PRMT2: variants seen among roughly 807,000 people sequenced by gnomAD.
PRMT2 encodes protein arginine N-methyltransferase 2.
Under a neutral mutation model 57.6 loss-of-function variants are expected in PRMT2, and 26 were observed. The ratio of observed to expected loss-of-function variants is 0.45; its 90% CI spans 0.33 to 0.63. The LOEUF (loss-of-function observed/expected upper bound fraction) is 0.63, where lower values mean the gene tolerates loss of function less well. PRMT2 is among the 20% of genes least tolerant of loss of function. The pLI, the probability that PRMT2 is intolerant of heterozygous loss-of-function variation, is 0.02. For synonymous variants in PRMT2, 219 were observed against 220.0 expected (o/e 1.00, Z 0.04); for missense variants, 472 against 564.4 (o/e 0.84, Z 1.66).
Position 46,649,128 on chromosome 21 carries a change from A to G in PRMT2, c.490-447A>G, listed in dbSNP as rs1450328627. Among the ~76,000 whole-genome samples the G allele has an allele frequency of 6.6e-6, 1 of 152,182 alleles. No individual in the cohort carries two copies. The highest frequency in any genetic ancestry group is 1.5e-5 in the Non-Finnish European group (1 of 68,026). On this transcript the variant is annotated intron_variant, in intron 6 of 11. Transcript: ENST00000355680. The surrounding 1 kb of genome is among the most constrained non-coding windows in gnomAD (Gnocchi z 4.8). ...CGCAGCACAGTGTCCACCCAAGTCC[A>G]GGCTCTGCAGGACCCAGGACCCAGC... is the stretch of plus-strand genomic sequence containing the variant.
intron 8 of PRMT2, chr21:46,659,128 C>T: frequency 2.3e-6 from 3 of 1,284,752 alleles, no homozygotes; most frequent in Non-Finnish European, 9.8e-7. Flanking sequence ...GGGTAGAATG[C>T]AAGGAACAAA....
intron 7 of PRMT2, chr21:46,652,609 A>C: frequency 1.0e-6 from 1 of 985,358 alleles, no homozygotes; most frequent in Non-Finnish European, 1.2e-6. Flanking sequence ...GGTTGTGGGG[A>C]AGTGTGCACC....
intron 11 of PRMT2, 95 bp downstream of exon 11, chr21:46,663,649 C>T: frequency 1.6e-6 from 2 of 1,284,036 alleles, no homozygotes; most frequent in Non-Finnish European, 2.2e-6. Context: ...CTGGCCCACA[C>T]TGGGGTCCAC....
intron 10 of PRMT2, among the ~76,000 whole-genome samples, chr21:46,662,778 C>T (rs1225545117): frequency 6.6e-6 from 1 of 152,136 alleles, no homozygotes; most frequent in South Asian, 2.1e-4. Context: ...GAGATGTTTC[C>T]AACGCAACCC....
chr21:46,638,143 T>C (rs547077980), intron 3 of PRMT2, among the ~76,000 whole-genome samples: 1 of 152,308 alleles, frequency 6.6e-6, no homozygotes, highest in South Asian at 2.1e-4. Context: ...TGATATTGTT[T>C]GTGTGGGCTT....
intron 10 of PRMT2, 57 bp from the exon 11 acceptor site, chr21:46,663,326 G>A: frequency 6.5e-7 from 1 of 1,544,516 alleles, no homozygotes; most frequent in Non-Finnish European, 8.8e-7. Context: ...CGCCCCGAGG[G>A]CCATGTGGAG....
intron 10 of PRMT2, among the ~76,000 whole-genome samples, chr21:46,662,621 G>T (rs1314996602): frequency 6.6e-6 from 1 of 152,142 alleles, no homozygotes; most frequent in East Asian, 1.9e-4. Flanking sequence ...TGGGGGCGTG[G>T]AGGGGGCAGT....
chr21:46,653,210 G>T (rs1037325160), intron 7 of PRMT2: 2 of 985,296 alleles, frequency 2.0e-6, no homozygotes, highest in South Asian at 4.7e-5. Context: ...TAACAAAGAT[G>T]TAATAATTCT....
rs1377870096 is a variant in PRMT2 at position 46,664,865 on chromosome 21, A to G, written c.*538A>G. ...TATGCGATGGGACTCTGCATGGGATAGTACAGTTGTGTAGACGTCTTCCAA... is the reference window on the plus strand; with the variant it reads ...TATGCGATGGGACTCTGCATGGGATGGTACAGTTGTGTAGACGTCTTCCAA... On this transcript the variant is annotated 3_prime_UTR_variant, in exon 12 of 12. Coordinates refer to ENST00000355680, the MANE Select transcript of PRMT2 (RefSeq NM_206962.4). The G allele has an allele frequency of 6.3e-6, 1 of 158,998 alleles. No individual in the cohort carries two copies. Among genetic ancestry groups the G allele is most frequent in the African/African-American group, 2.4e-5 (1 of 41,814 alleles). The allele number at this position is 158,998 out of a possible 1,614,324, so 9.8% of individuals were successfully genotyped here. A position where few individuals can be genotyped will look rare whatever the true frequency, so the allele number is the denominator to read the frequency against.
At chr21:46,651,035 C>T (rs73383765) in intron 7 of PRMT2, among the ~76,000 whole-genome samples, 4,078 of 152,280 alleles carry the variant, frequency 0.027, 175 homozygotes, top group African/African-American at 0.092. Context: ...TTTTGGAGGC[C>T]CCTGGGTATG....
chr21:46,658,588 G>C, intron 7 of PRMT2, 157 bp from the exon 8 acceptor site: 1 of 1,343,170 alleles, frequency 7.4e-7, no homozygotes. Context: ...ATAAACCCTC[G>C]AGATGTTCTC....
At chr21:46,651,969 C>T in intron 7 of PRMT2, 1 of 1,613,344 alleles carries the variant, frequency 6.2e-7, no homozygotes, top group Middle Eastern at 1.6e-4. Context: ...CCTCAGCCCT[C>T]AGGCCTTCAT....
rs751157302 is a variant in PRMT2, at chr21:46,663,365, C to G, written c.1098-18C>G. On this transcript the variant is annotated intron_variant, in intron 10 of 11. Coordinates refer to ENST00000355680, the MANE Select transcript of PRMT2 (RefSeq NM_206962.4). ...GCCCTAGCTCAGCCTCCAGGTCACA[C>G]GCACCCCTGTCTTGCAGCACCACAC... The G allele has an allele frequency of 1.2e-6, 2 of 1,600,180 alleles. No individual in the cohort carries two copies. The highest frequency in any genetic ancestry group is 1.7e-6 in the Non-Finnish European group (2 of 1,170,116).
rs1290594762 is a variant in PRMT2, at chr21:46,643,747, T to TG, written c.144+109dup. 31 of 1,326,366 alleles carry TG rather than the reference T, an allele frequency of 2.3e-5. No individual in the cohort carries two copies. The African/African-American group carries it at 4.3e-4, about 19-fold the overall frequency. 82.2% of individuals were successfully genotyped at this position (1,326,366 alleles called of 1,614,324 possible). ...AAAGTTAAATGAAGAGGTATTCAGA[T>TG]GCGTAGGGCCACACAAGACCTGTGT... On this transcript the variant is annotated intron_variant, in intron 4 of 11. Transcript: ENST00000355680.
intron 7 of PRMT2, chr21:46,654,085 T>C: frequency 1.0e-6 from 1 of 985,742 alleles, no homozygotes; most frequent in Non-Finnish European, 1.2e-6. Context: ...GACTGCAGTG[T>C]CCTCCTTCCC....
intron 11 of PRMT2, 140 bp from the exon 12 acceptor site, chr21:46,664,155 T>G: frequency 1.5e-6 from 1 of 656,272 alleles, no homozygotes. Context: ...TTGTGATAAG[T>G]TTTTGTTAAA....
At chr21:46,639,653 A>C (rs956522227) in intron 3 of PRMT2, among the ~76,000 whole-genome samples, 1 of 133,338 alleles carries the variant, frequency 7.5e-6, no homozygotes, top group Admixed American at 7.2e-5. Context: ...ATATAGCTGT[A>C]CCAGCTTTTT....
chr21:46,647,331 G>A (rs931766842), intron 5 of PRMT2, among the ~76,000 whole-genome samples: 2 of 151,980 alleles, frequency 1.3e-5, no homozygotes, highest in African/African-American at 4.8e-5. Context: ...TTGTGACTTT[G>A]TGAAATTTTT....
At chr21:46,643,106 C>T (rs2061305604) in intron 3 of PRMT2, among the ~76,000 whole-genome samples, 1 of 152,080 alleles carries the variant, frequency 6.6e-6, no homozygotes, top group African/African-American at 2.4e-5. Context: ...GCTCTGCTGC[C>T]TCGTGGAGGT....
Sources: gnomAD v4.1 joint callset for allele counts (sites outside exome capture counted in the v4.1 genomes callset) on GRCh38, gnomAD v4.1.1 for gene constraint, Gnocchi (gnomAD v3.1) non-coding constraint, MANE v1.5 for transcripts, NCBI Gene and HGNC (gene_info 2026-07-23, HGNC 2026-07-21) for gene names.